The following TSPAN9 variants were observed in gnomAD, a reference collection of about 807,000 sequenced individuals.
The protein encoded by TSPAN9 is tetraspanin 9, also known as tetraspanin-9.
TSPAN9 carries 16 observed loss-of-function variants against 31.0 expected under a neutral mutation model. That is an observed-to-expected ratio of 0.52 (90% CI 0.35 to 0.78). The LOEUF is 0.78. Ranked by LOEUF, TSPAN9 falls within the 30% of genes least tolerant of loss-of-function variation. The probability of loss-of-function intolerance (pLI) is 0.01; values close to 1 mark genes in which losing one functional copy is unlikely to be tolerated. For missense variants in TSPAN9, 272 were observed against 312.5 expected, an observed-to-expected ratio of 0.87 and a Z score of 0.98; for synonymous variants, 145 against 121.6, an observed-to-expected ratio of 1.19 and a Z score of -1.27.
Position 3,284,346 on chromosome 12 carries a change from C to T in TSPAN9, c.*1230C>T, listed in dbSNP as rs71577828. The T allele has an allele frequency of 8.9e-3, 1,350 of 152,454 alleles. 15 individuals carry two copies. The highest frequency in any genetic ancestry group is 0.014 in the Non-Finnish European group (920 of 68,032). The allele number at this position is 152,454 out of a possible 1,614,324, so 9.4% of individuals were successfully genotyped here. ...AGGGGTGAGGACCCACGGTCCTCCC[C>T]GCCAGCCTTGCTCAGCTGTGGGTTG... On this transcript the variant is annotated 3_prime_UTR_variant, in exon 9 of 9. Coordinates refer to ENST00000011898, the MANE Select transcript of TSPAN9 (RefSeq NM_006675.5).
chr12:3,230,688 G>C (rs2098390250), intron 3 of TSPAN9, among the ~76,000 whole-genome samples: 2 of 152,096 alleles, frequency 1.3e-5, no homozygotes, highest in South Asian at 4.1e-4. Context: ...TCTGGGAACT[G>C]AGGGGTAAGA....
intron 2 of TSPAN9, chr12:3,173,434 C>T (rs2098353253): frequency 6.6e-6 from 1 of 152,324 alleles, no homozygotes; most frequent in Non-Finnish European, 1.5e-5. Context: ...TCCCATGGGA[C>T]ACCTCCTCAT....
At chr12:3,169,264 G>A (rs1276856116) in intron 2 of TSPAN9, among the ~76,000 whole-genome samples, 2 of 152,210 alleles carry the variant, frequency 1.3e-5, no homozygotes, top group Non-Finnish European at 2.9e-5. Flanking sequence ...AGGGCTGGGG[G>A]AAGGTTTGAT....
intron 2 of TSPAN9, among the ~76,000 whole-genome samples, chr12:3,186,850 G>A (rs1345105034): frequency 1.3e-5 from 2 of 152,182 alleles, no homozygotes; most frequent in Non-Finnish European, 1.5e-5. Context: ...GGGCAGGATG[G>A]TGCTGGATTT....
chr12:3,089,051 T>C (rs2098302370), intron 2 of TSPAN9, among the ~76,000 whole-genome samples: 1 of 151,460 alleles, frequency 6.6e-6, no homozygotes, highest in Non-Finnish European at 1.5e-5. Flanking sequence ...GCTAACACGG[T>C]GAAACCCCAT....
chr12:3,250,224 C>T (rs912205520), intron 3 of TSPAN9, among the ~76,000 whole-genome samples: 3 of 152,138 alleles, frequency 2.0e-5, no homozygotes, highest in African/African-American at 4.8e-5. Context: ...TGCATGGTAA[C>T]GAGCCCCTTG....
At chr12:3,222,465 T>C (rs2098385084) in intron 3 of TSPAN9, among the ~76,000 whole-genome samples, 1 of 152,228 alleles carries the variant, frequency 6.6e-6, no homozygotes, top group Non-Finnish European at 1.5e-5. Flanking sequence ...ACCTTCTGTC[T>C]GCCAGGCTAA....
chr12:3,210,697 CT>C (rs2098378197), intron 3 of TSPAN9, among the ~76,000 whole-genome samples: 1 of 147,022 alleles, frequency 6.8e-6, no homozygotes, highest in Non-Finnish European at 1.5e-5. Flanking sequence ...TTAGACTGTA[CT>C]TTTTATGTAT....
At chr12:3,243,933 T>C (rs1034494844) in intron 3 of TSPAN9, among the ~76,000 whole-genome samples, 3 of 152,210 alleles carry the variant, frequency 2.0e-5, no homozygotes, top group South Asian at 4.1e-4. Context: ...ACATGCCCTT[T>C]AGTTCTGCAT....
chr12:3,277,778 A>G (rs1862816753), intron 3 of TSPAN9, among the ~76,000 whole-genome samples: 2 of 152,066 alleles, frequency 1.3e-5, no homozygotes, highest in Admixed American at 1.3e-4. Context: ...AGCTTATTGG[A>G]TGGGTGGTGA....
chr12:3,198,726 ACCACCAGCACAGGCCAC>A (rs2098369140), intron 2 of TSPAN9, among the ~76,000 whole-genome samples: 3 of 49,498 alleles, frequency 6.1e-5, no homozygotes, highest in Non-Finnish European at 1.2e-4. Flanking sequence ...AGCACAGCTC[ACCACCAGCACAGGCCAC>A]CACCAGCACA....
chr12:3,251,316 C>T (rs1026946823), intron 3 of TSPAN9, among the ~76,000 whole-genome samples: 1 of 152,090 alleles, frequency 6.6e-6, no homozygotes, highest in Non-Finnish European at 1.5e-5. Context: ...TGATGAAATC[C>T]CCTCGCATTG....
At chr12:3,190,076 C>G (rs1312929160) in intron 2 of TSPAN9, among the ~76,000 whole-genome samples, 1 of 152,222 alleles carries the variant, frequency 6.6e-6, no homozygotes. Context: ...ACAGCACCCC[C>G]AAGTGCTGCT....
chr12:3,175,906 C>T (rs146410739), intron 2 of TSPAN9, among the ~76,000 whole-genome samples: 22 of 152,314 alleles, frequency 1.4e-4, no homozygotes, highest in African/African-American at 4.6e-4. Flanking sequence ...TGGGAATCGG[C>T]ACACTGCATA....
At chr12:3,208,152 G>C (rs912028996) in intron 3 of TSPAN9, among the ~76,000 whole-genome samples, 1 of 152,240 alleles carries the variant, frequency 6.6e-6, no homozygotes, top group Admixed American at 6.5e-5. Flanking sequence ...GAGAGCGTAT[G>C]AACAGGAAGT....
At chr12:3,240,979 A>T (rs1294152751) in intron 3 of TSPAN9, among the ~76,000 whole-genome samples, 1 of 152,202 alleles carries the variant, frequency 6.6e-6, no homozygotes, top group Non-Finnish European at 1.5e-5. Flanking sequence ...ATGGATTTTT[A>T]AACGGATAAT....
intron 2 of TSPAN9, among the ~76,000 whole-genome samples, chr12:3,174,913 C>T (rs1425950074): frequency 6.6e-6 from 1 of 151,764 alleles, no homozygotes; most frequent in Admixed American, 6.5e-5. Flanking sequence ...ATGATTAATA[C>T]CTGAGGAGCT....
chr12:3,115,400 C>G (rs936760920), intron 2 of TSPAN9, among the ~76,000 whole-genome samples: 3 of 152,172 alleles, frequency 2.0e-5, no homozygotes, highest in Non-Finnish European at 4.4e-5. Context: ...GTTCATGTGC[C>G]ATGCTTTTGT....
chr12:3,091,755 G>A (rs923554721), intron 2 of TSPAN9, among the ~76,000 whole-genome samples: 2 of 152,200 alleles, frequency 1.3e-5, no homozygotes, highest in Non-Finnish European at 2.9e-5. Context: ...GTAAAGAAAT[G>A]TTTTGTAGCT....
Sources: gnomAD v4.1 joint callset for allele counts (sites outside exome capture counted in the v4.1 genomes callset) on GRCh38, gnomAD v4.1.1 for gene constraint, MANE v1.5 for transcripts, NCBI Gene and HGNC (gene_info 2026-07-23, HGNC 2026-07-21) for gene names.